Variants in CRPPA observed in about 807,000 individuals in gnomAD.
CRPPA encodes CDP-L-ribitol pyrophosphorylase A, also known as D-ribitol-5-phosphate cytidylyltransferase.
A neutral mutation model predicts 52.0 loss-of-function variants in CRPPA; 43 were observed. That is an observed-to-expected ratio of 0.83 (90% CI 0.65 to 1.07). The LOEUF is 1.07. CRPPA is among the 50% of genes least tolerant of loss of function. CRPPA has a pLI of 0.00. For missense variants in CRPPA, 629 were observed against 551.7 expected (o/e 1.14, Z -1.40); for synonymous variants, 250 against 203.5 (o/e 1.23, Z -1.94).
At chr7:16,254,220 C>A (rs1783547865) in intron 8 of CRPPA, among the ~76,000 whole-genome samples, 1 of 152,110 alleles carries the variant, frequency 6.6e-6, no homozygotes, top group Non-Finnish European at 1.5e-5. Context: ...CCATTTAACC[C>A]AGAGATCCCA....
intron 5 of CRPPA, among the ~76,000 whole-genome samples, chr7:16,293,845 T>A (rs1470268650): frequency 2.6e-5 from 4 of 151,962 alleles, no homozygotes; most frequent in Non-Finnish European, 4.4e-5. Context: ...ACCTTAGAAC[T>A]AAAAGTAAGG....
At chr7:16,216,853 G>A (rs547418386) in intron 8 of CRPPA, among the ~76,000 whole-genome samples, 2 of 152,120 alleles carry the variant, frequency 1.3e-5, no homozygotes, top group South Asian at 4.1e-4. Flanking sequence ...AGGCGGCAGC[G>A]AGGCCGGGGG....
chr7:16,184,203 A>T (rs2128388489), intron 9 of CRPPA, among the ~76,000 whole-genome samples: 1 of 152,152 alleles, frequency 6.6e-6, no homozygotes, highest in African/African-American at 2.4e-5. Context: ...GGCCTCTCAA[A>T]GTGCTGGGAT....
chr7:16,139,673 C>G (rs1026775643), intron 9 of CRPPA, among the ~76,000 whole-genome samples: 1 of 152,080 alleles, frequency 6.6e-6, no homozygotes, highest in East Asian at 1.9e-4. Flanking sequence ...CTTGATTATA[C>G]TTGCCTTCAG....
intron 5 of CRPPA, among the ~76,000 whole-genome samples, chr7:16,278,786 T>A (rs552454195): frequency 6.6e-6 from 1 of 152,208 alleles, no homozygotes; most frequent in East Asian, 1.9e-4. Context: ...TCTGGAAGAC[T>A]TGAGATGGTC....
intron 5 of CRPPA, among the ~76,000 whole-genome samples, chr7:16,299,722 T>A (rs1784751560): frequency 6.6e-6 from 1 of 152,226 alleles, no homozygotes; most frequent in South Asian, 2.1e-4. Flanking sequence ...GTAGAACATG[T>A]TTTAAATACT....
At chr7:16,205,065 T>C (rs549196610) in intron 9 of CRPPA, among the ~76,000 whole-genome samples, 30 of 152,268 alleles carry the variant, frequency 2.0e-4, no homozygotes, top group Middle Eastern at 3.4e-3. Context: ...ACACAGCACT[T>C]GGCAAGACAG....
chr7:16,087,861 G>C lies in CRPPA; in HGVS notation c.*3834C>G, dbSNP rs555637421. 55 of 152,182 alleles carry C rather than the reference G, an allele frequency of 3.6e-4. No homozygotes were observed. Among genetic ancestry groups the C allele is most frequent in the African/African-American group, 1.3e-3 (53 of 41,512 alleles). 9.4% of individuals were successfully genotyped at this position (152,182 alleles called of 1,614,324 possible). On this transcript the variant is annotated 3_prime_UTR_variant, in exon 10 of 10. Transcript: ENST00000407010. ...TAAGATGTTAGATTTATGCCTCTGT[G>C]AATTTGTAGTTTCAACATTAAAACA...
At chr7:16,299,814 G>A (rs1784754198) in intron 5 of CRPPA, among the ~76,000 whole-genome samples, 2 of 152,126 alleles carry the variant, frequency 1.3e-5, no homozygotes. Flanking sequence ...CATAGCCCCT[G>A]CAATAACACT....
chr7:16,089,629 G>C lies in CRPPA; in HGVS notation c.*2066C>G. 1 of 202,026 alleles carries C rather than the reference G, an allele frequency of 4.9e-6. No homozygotes were observed. The highest frequency in any genetic ancestry group is 6.5e-5 in the South Asian group (1 of 15,456). 12.5% of individuals were successfully genotyped at this position (202,026 alleles called of 1,614,324 possible). On this transcript the variant is annotated 3_prime_UTR_variant, in exon 10 of 10. Transcript: ENST00000407010. The stretch of plus-strand genomic sequence containing the variant: ...TGGGTATACATACATGTATATGTAT[G>C]TATGTATTTTTTTTTCCCAATGCTG...
chr7:16,095,727 T>G (rs1323333665), intron 9 of CRPPA, among the ~76,000 whole-genome samples: 3 of 152,144 alleles, frequency 2.0e-5, no homozygotes, highest in Non-Finnish European at 4.4e-5. Context: ...GCAATCTCTC[T>G]GGGTAGAAAA....
At position 16,291,292 on chromosome 7, in the gene CRPPA, T is replaced by C. The variant is rs78941046; in HGVS notation, c.835+10129A>G. On this transcript the variant is annotated intron_variant, in intron 5 of 9. Transcript: ENST00000407010. ...TATCAAAGGAATATATGTACCCCAA[T>C]GTTTGTTGCAGCACTCTTCATAATA... is the stretch of plus-strand genomic sequence containing the variant. Among the ~76,000 whole-genome samples the C allele has an allele frequency of 2.7e-3, 403 of 152,058 alleles. 3 individuals are homozygous for C. The highest frequency in any genetic ancestry group is 5.0e-3 in the Non-Finnish European group (341 of 67,816).
intron 1 of CRPPA, 74 bp from the exon 2 acceptor site, chr7:16,406,411 A>T (rs1268121838): frequency 1.5e-6 from 2 of 1,299,738 alleles, no homozygotes; most frequent in Non-Finnish European, 2.2e-6. Context: ...AAATTGAATC[A>T]CTAGTATTGG....
intron 3 of CRPPA, among the ~76,000 whole-genome samples, chr7:16,312,595 T>A (rs371111740): frequency 1.3e-5 from 2 of 151,954 alleles, no homozygotes; most frequent in Non-Finnish European, 2.9e-5. Context: ...CATTTCCTTC[T>A]CTTATTAGCT....
At chr7:16,136,006 G>A (rs192004054) in intron 9 of CRPPA, among the ~76,000 whole-genome samples, 1 of 152,192 alleles carries the variant, frequency 6.6e-6, no homozygotes, top group Admixed American at 6.5e-5. Context: ...GAGCCATGTT[G>A]CTTTCTTTAC....
intron 9 of CRPPA, among the ~76,000 whole-genome samples, chr7:16,135,731 GACT>G (rs1782751618): frequency 6.6e-6 from 1 of 152,050 alleles, no homozygotes; most frequent in Non-Finnish European, 1.5e-5. Flanking sequence ...ACAAATTATT[GACT>G]ACTTCTTGCC....
At chr7:16,330,483 T>A (rs13225577) in intron 3 of CRPPA, among the ~76,000 whole-genome samples, 68,433 of 151,954 alleles carry the variant, frequency 0.45, 15,678 homozygotes, top group South Asian at 0.6. Context: ...ACAGGCAGAT[T>A]CAGAGAATCA....
chr7:16,271,479 A>T (rs1784088165), intron 6 of CRPPA, among the ~76,000 whole-genome samples: 1 of 152,036 alleles, frequency 6.6e-6, no homozygotes, highest in African/African-American at 2.4e-5. Context: ...GAAGTGGTAA[A>T]CTCAACATAA....
At chr7:16,298,034 G>A (rs899258300) in intron 5 of CRPPA, among the ~76,000 whole-genome samples, 1 of 152,074 alleles carries the variant, frequency 6.6e-6, no homozygotes, top group African/African-American at 2.4e-5. Context: ...TATATGCTCT[G>A]TTATATTTTG....
Sources: gnomAD v4.1 joint callset for allele counts (sites outside exome capture counted in the v4.1 genomes callset) on GRCh38, gnomAD v4.1.1 for gene constraint, MANE v1.5 for transcripts, NCBI Gene and HGNC (gene_info 2026-07-23, HGNC 2026-07-21) for gene names.